TTC23: variants seen among roughly 807,000 people sequenced by gnomAD.
TTC23 encodes tetratricopeptide repeat domain 23.
Under a neutral mutation model 55.1 loss-of-function variants are expected in TTC23, and 58 were observed. The observed-to-expected ratio is 1.05, with a 90% confidence interval of 0.85 to 1.31. TTC23 has a LOEUF of 1.31. TTC23 is among the 50% of genes most tolerant of loss of function. The pLI is 0.00. For missense variants in TTC23, 516 were observed against 534.4 expected (o/e 0.97, Z 0.34); for synonymous variants, 203 against 199.9 (o/e 1.02, Z -0.13).
chr15:99,204,554 T>G (rs768341786), intron 8 of TTC23, among the ~76,000 whole-genome samples: 1 of 151,286 alleles, frequency 6.6e-6, no homozygotes, highest in Non-Finnish European at 1.5e-5. Context: ...TTAAGAAATC[T>G]TTGCCCAGAC....
At chr15:99,229,671 G>T (rs760633889) in intron 4 of TTC23, among the ~76,000 whole-genome samples, 5 of 152,244 alleles carry the variant, frequency 3.3e-5, no homozygotes, top group Non-Finnish European at 7.3e-5. Context: ...TGATTAGCAT[G>T]TGTGTAAGAA....
chr15:99,150,682 A>C (rs1555496426), intron 12 of TTC23, among the ~76,000 whole-genome samples: 1 of 152,240 alleles, frequency 6.6e-6, no homozygotes, highest in Non-Finnish European at 1.5e-5. Context: ...CTATCATCAA[A>C]TGGGTTGCAA....
chr15:99,239,758 G>C (rs1248928038), intron 3 of TTC23, among the ~76,000 whole-genome samples: 1 of 152,208 alleles, frequency 6.6e-6, no homozygotes, highest in African/African-American at 2.4e-5. Flanking sequence ...TGGAGAATCT[G>C]AGATTCAAGA....
chr15:99,150,606 G>C (rs947914636), intron 12 of TTC23, among the ~76,000 whole-genome samples: 8 of 152,160 alleles, frequency 5.3e-5, no homozygotes, highest in African/African-American at 1.7e-4. Flanking sequence ...CTACTAACAA[G>C]AAAAATAGAT....
chr15:99,246,857 T>C (rs1314428528), intron 1 of TTC23, among the ~76,000 whole-genome samples: 1 of 152,072 alleles, frequency 6.6e-6, no homozygotes, highest in African/African-American at 2.4e-5. Flanking sequence ...AAGGTGGACA[T>C]TGCAGTGGGC....
intron 8 of TTC23, among the ~76,000 whole-genome samples, chr15:99,204,783 A>C (rs1223221659): frequency 1.3e-5 from 2 of 151,508 alleles, no homozygotes; most frequent in Admixed American, 1.3e-4. Context: ...CTATAGGTGC[A>C]CACCACCACA....
At chr15:99,196,297 G>C (rs2075703085) in intron 9 of TTC23, among the ~76,000 whole-genome samples, 1 of 152,006 alleles carries the variant, frequency 6.6e-6, no homozygotes, top group Non-Finnish European at 1.5e-5. Flanking sequence ...AACAAACAAA[G>C]AAAAAACTGC....
intron 13 of TTC23, 38 bp downstream of exon 13, chr15:99,139,279 G>A (rs782119151): frequency 6.3e-7 from 1 of 1,587,330 alleles, no homozygotes; most frequent in Non-Finnish European, 8.5e-7. Flanking sequence ...GAATGGAAAG[G>A]GAATGAGATA....
chr15:99,210,887 T>A (rs2152024538), intron 8 of TTC23, among the ~76,000 whole-genome samples: 1 of 152,288 alleles, frequency 6.6e-6, no homozygotes, highest in East Asian at 1.9e-4. Flanking sequence ...GGCAGGTAGA[T>A]ACATATTCTG....
rs775602522 is a variant in TTC23 at position 99,156,273 on chromosome 15, ACT to A, written c.1016_1017del (p.Glu339ValfsTer114). On this transcript the variant is annotated frameshift_variant, in exon 12 of 14. Coordinates refer to ENST00000394132, the MANE Select transcript of TTC23 (RefSeq NM_001288615.3). LOFTEE classifies it high-confidence loss of function. ...AATGCTTCCACTTTGGCTTCCAGGG[ACT>A]CTCTCAGGATCGAGGTTGCTCTCTG... ...QKERATSILR[E>X]SLEAKVEAFG... The A allele has an allele frequency of 5.0e-6, 8 of 1,613,996 alleles. No individual in the cohort carries two copies. The highest frequency in any genetic ancestry group is 4.5e-5 in the East Asian group (2 of 44,880).
intron 5 of TTC23, among the ~76,000 whole-genome samples, chr15:99,224,069 A>T (rs1485216253): frequency 6.6e-6 from 1 of 152,218 alleles, no homozygotes; most frequent in Non-Finnish European, 1.5e-5. Context: ...CCTTCACCCT[A>T]AAACAACATT....
At chr15:99,229,478 AGGGAAGAGG>A (rs2078754685) in intron 4 of TTC23, among the ~76,000 whole-genome samples, 1 of 152,190 alleles carries the variant, frequency 6.6e-6, no homozygotes, top group Non-Finnish European at 1.5e-5. Context: ...GAAACAGCAC[AGGGAAGAGG>A]GGACCCAGAA....
chr15:99,234,916 T>C (rs1469362842), intron 4 of TTC23, 72 bp downstream of exon 4: 1 of 151,638 alleles, frequency 6.6e-6, no homozygotes, highest in Non-Finnish European at 1.5e-5. Context: ...GGTATACCAC[T>C]TTGGAAAACA....
At chr15:99,163,395 T>G (rs114667414) in intron 10 of TTC23, among the ~76,000 whole-genome samples, 3 of 152,182 alleles carry the variant, frequency 2.0e-5, no homozygotes, top group African/African-American at 7.2e-5. Flanking sequence ...TGCAAGGAAC[T>G]GAACTGTGCT....
chr15:99,168,016 G>A (rs1274753290), intron 10 of TTC23, among the ~76,000 whole-genome samples: 1 of 152,212 alleles, frequency 6.6e-6, no homozygotes, highest in African/African-American at 2.4e-5. Flanking sequence ...CTGCTAGCTT[G>A]TGGAGGCCAC....
chr15:99,176,155 T>C lies in TTC23; in HGVS notation c.760-1000A>G, dbSNP rs548984230. On this transcript the variant is annotated intron_variant, in intron 9 of 13. Transcript: ENST00000394132. ...TTTTAAAATACTATTAGTAACATGT[T>C]TACATTCATTCACACTTAGGATTGC... Among the ~76,000 whole-genome samples, 5 of 152,306 alleles carry C rather than the reference T, an allele frequency of 3.3e-5. No individual in the cohort carries two copies. In the East Asian group the frequency reaches 9.6e-4, roughly 29 times the overall value.
At chr15:99,166,756 A>T (rs1042990562) in intron 10 of TTC23, among the ~76,000 whole-genome samples, 6 of 152,128 alleles carry the variant, frequency 3.9e-5, no homozygotes, top group Non-Finnish European at 7.4e-5. Context: ...GTAGGTCTCT[A>T]GTCACAGGGG....
intron 8 of TTC23, among the ~76,000 whole-genome samples, chr15:99,210,255 T>C (rs1180781049): frequency 6.6e-6 from 1 of 152,172 alleles, no homozygotes; most frequent in Non-Finnish European, 1.5e-5. Flanking sequence ...TGCAGTGCTC[T>C]AAAACATTAA....
chr15:99,183,710 C>G (rs1469511643), intron 9 of TTC23, among the ~76,000 whole-genome samples: 1 of 152,012 alleles, frequency 6.6e-6, no homozygotes, highest in Non-Finnish European at 1.5e-5. Context: ...AAATTTGTAG[C>G]CTGACAATGC....
Sources: gnomAD v4.1 joint callset for allele counts (sites outside exome capture counted in the v4.1 genomes callset) on GRCh38, gnomAD v4.1.1 for gene constraint, MANE v1.5 for transcripts, NCBI Gene and HGNC (gene_info 2026-07-23, HGNC 2026-07-21) for gene names.